Variants in ROBO2 observed in about 807,000 individuals in gnomAD.
The protein encoded by ROBO2 is roundabout homolog 2.
In ROBO2, 53 loss-of-function variants were observed where a neutral mutation model predicts 160.8. The observed-to-expected ratio is 0.33, with a 90% CI of 0.26 to 0.41. ROBO2 has a LOEUF of 0.41. Ranked by LOEUF, ROBO2 falls within the 10% of genes least tolerant of loss-of-function variation. The probability of loss-of-function intolerance (pLI) is 1.00; values close to 1 mark genes in which losing one functional copy is unlikely to be tolerated. For missense variants in ROBO2, 1,577 were observed against 1,722.4 expected, an observed-to-expected ratio of 0.92 and a Z score of 1.49; for synonymous variants, 664 against 611.7, an observed-to-expected ratio of 1.09 and a Z score of -1.26.
chr3:77,114,913 CA>C (rs1317180301), intron 2 of ROBO2, among the ~76,000 whole-genome samples: 1 of 152,156 alleles, frequency 6.6e-6, no homozygotes, highest in East Asian at 1.9e-4. Context: ...TATATTAAAC[CA>C]ACATCACATT....
At chr3:76,299,002 C>T (rs1709226049) in intron 2 of ROBO2, among the ~76,000 whole-genome samples, 1 of 152,148 alleles carries the variant, frequency 6.6e-6, no homozygotes, top group Admixed American at 6.5e-5. Flanking sequence ...GTCTGCATTT[C>T]ACCCATTTGT....
chr3:76,443,006 T>C (rs915857240), intron 2 of ROBO2, among the ~76,000 whole-genome samples: 4 of 152,052 alleles, frequency 2.6e-5, no homozygotes, highest in Admixed American at 6.6e-5. Flanking sequence ...TTCACAGTTT[T>C]GCAGGCTTTA....
chr3:77,225,194 C>A (rs2086329256), intron 2 of ROBO2, among the ~76,000 whole-genome samples: 1 of 151,704 alleles, frequency 6.6e-6, no homozygotes, highest in Admixed American at 6.6e-5. Context: ...ATATACAGAC[C>A]TCTTCCCACA....
intron 23 of ROBO2, chr3:77,633,536 A>G (rs1229917776): frequency 6.6e-6 from 1 of 152,194 alleles, no homozygotes; most frequent in African/African-American, 2.4e-5. Context: ...AACTAATAAA[A>G]CATTAAGTAC....
chr3:76,399,202 C>A (rs1319703951), intron 2 of ROBO2, among the ~76,000 whole-genome samples: 1 of 151,618 alleles, frequency 6.6e-6, no homozygotes, highest in Non-Finnish European at 1.5e-5. Flanking sequence ...TTTAAAGATA[C>A]AGAGCTGTAA....
intron 2 of ROBO2, among the ~76,000 whole-genome samples, chr3:76,598,028 T>C (rs902454752): frequency 5.9e-5 from 9 of 152,148 alleles, no homozygotes; most frequent in African/African-American, 2.2e-4. Context: ...TTGATGTTTT[T>C]CAGTGGGTGA....
Position 77,352,416 on chromosome 3 carries a change from A to C in ROBO2, c.389-124998A>C, listed in dbSNP as rs182777361. On this transcript the variant is annotated intron_variant, in intron 2 of 25. Coordinates refer to ENST00000461745, the Ensembl canonical transcript of ROBO2. ...GTGGTCTGACATCCTGTGTCTATAC[A>C]CAGCAGCATCAGCCCAGAGAGAGAC... Among the ~76,000 whole-genome samples, 18 of 152,250 alleles carry C rather than the reference A, an allele frequency of 1.2e-4. No homozygotes were observed. The East Asian group carries it at 3.3e-3, about 28-fold the overall frequency.
At chr3:76,105,564 C>T (rs2069886963) in intron 2 of ROBO2, among the ~76,000 whole-genome samples, 1 of 152,028 alleles carries the variant, frequency 6.6e-6, no homozygotes, top group African/African-American at 2.4e-5. Context: ...GAATTCAGAA[C>T]CAATGGAAAG....
chr3:77,103,580 A>C (rs1254545384), intron 2 of ROBO2, among the ~76,000 whole-genome samples: 1 of 152,152 alleles, frequency 6.6e-6, no homozygotes, highest in Non-Finnish European at 1.5e-5. Flanking sequence ...TGGAACTGGA[A>C]ATAGATTGAA....
intron 2 of ROBO2, among the ~76,000 whole-genome samples, chr3:76,098,589 GTCA>G (rs2069550149): frequency 6.7e-6 from 1 of 148,414 alleles, no homozygotes; most frequent in Non-Finnish European, 1.5e-5. Context: ...AACAATTCCT[GTCA>G]TCAATTTAGA....
At chr3:77,252,978 A>G (rs1041853207) in intron 2 of ROBO2, among the ~76,000 whole-genome samples, 1 of 151,060 alleles carries the variant, frequency 6.6e-6, no homozygotes, top group East Asian at 1.9e-4. Flanking sequence ...GCTCTTTTGG[A>G]AAAAAATATG....
chr3:76,567,656 C>T (rs77779323), intron 2 of ROBO2, among the ~76,000 whole-genome samples: 494 of 40,750 alleles, frequency 0.012, 5 homozygotes, highest in East Asian at 0.066. Flanking sequence ...TATATATACA[C>T]ATACACATAT....
At chr3:76,341,419 T>TAAA (rs71277587) in intron 2 of ROBO2, among the ~76,000 whole-genome samples, 7 of 44,214 alleles carry the variant, frequency 1.6e-4, no homozygotes, top group African/African-American at 4.3e-4. Context: ...TTTTAAAGCG[T>TAAA]AAAAAAAAAA....
At chr3:77,585,496 C>G (rs2094022564) in intron 16 of ROBO2, among the ~76,000 whole-genome samples, 1 of 151,888 alleles carries the variant, frequency 6.6e-6, no homozygotes, top group South Asian at 2.1e-4. Flanking sequence ...CAAGTGTTTT[C>G]ACATTTTTCT....
chr3:76,672,469 C>A (rs529162864), intron 2 of ROBO2, among the ~76,000 whole-genome samples: 14 of 152,164 alleles, frequency 9.2e-5, no homozygotes, highest in East Asian at 5.8e-4. Context: ...GGGATCTTAC[C>A]ATAGACAAGT....
At chr3:76,225,984 C>G (rs943768602) in intron 2 of ROBO2, among the ~76,000 whole-genome samples, 1 of 151,770 alleles carries the variant, frequency 6.6e-6, no homozygotes, top group East Asian at 1.9e-4. Flanking sequence ...TCAACATTGC[C>G]CAAATGTGGA....
chr3:76,520,447 T>C (rs1008105266), intron 2 of ROBO2, among the ~76,000 whole-genome samples: 3 of 152,046 alleles, frequency 2.0e-5, no homozygotes, highest in African/African-American at 7.2e-5. Context: ...CCAGACTCCA[T>C]CTCAAAAAAA....
At chr3:76,671,836 A>T (rs1269288536) in intron 2 of ROBO2, among the ~76,000 whole-genome samples, 1 of 152,114 alleles carries the variant, frequency 6.6e-6, no homozygotes, top group African/African-American at 2.4e-5. Context: ...TATAATTTAA[A>T]TAGTATAGTA....
chr3:76,586,697 T>C (rs1474722121), intron 2 of ROBO2, among the ~76,000 whole-genome samples: 1 of 152,250 alleles, frequency 6.6e-6, no homozygotes, highest in Non-Finnish European at 1.5e-5. Flanking sequence ...AACATAGTAT[T>C]AGATCATGTG....
Sources: gnomAD v4.1 joint callset for allele counts (sites outside exome capture counted in the v4.1 genomes callset) on GRCh38, gnomAD v4.1.1 for gene constraint, MANE v1.5 for transcripts, NCBI Gene and HGNC (gene_info 2026-07-23, HGNC 2026-07-21) for gene names.